Variants in MSTO1 observed in about 807,000 individuals in gnomAD.
MSTO1 encodes misato mitochondrial distribution and morphology regulator 1, also known as protein misato homolog 1.
A neutral mutation model predicts 55.7 loss-of-function variants in MSTO1; 24 were observed. That is an observed-to-expected ratio of 0.43 (90% CI 0.31 to 0.61). The LOEUF (loss-of-function observed/expected upper bound fraction) is 0.61. MSTO1 is among the 20% of genes least tolerant of loss of function. MSTO1 has a pLI of 0.09. For missense variants in MSTO1, 363 were observed against 625.7 expected (o/e 0.58, Z 4.48); for synonymous variants, 162 against 252.8 (o/e 0.64, Z 3.41).
the MSTO1 span, among the ~76,000 whole-genome samples, chr1:155,597,032 G>C: frequency 3.3e-5 from 5 of 151,560 alleles, no homozygotes; most frequent in African/African-American, 7.3e-5. Flanking sequence ...TTATGAGCCT[G>C]GGAAGCCAAG....
At chr1:155,603,138 G>A in the MSTO1 span, among the ~76,000 whole-genome samples, 2 of 152,094 alleles carry the variant, frequency 1.3e-5, no homozygotes, top group Admixed American at 1.3e-4. Flanking sequence ...GCTGAGTTGG[G>A]CAGATCACTT....
chr1:155,571,909 G>T, the MSTO1 span, among the ~76,000 whole-genome samples: 7 of 152,072 alleles, frequency 4.6e-5, no homozygotes, highest in African/African-American at 1.7e-4. Context: ...GGATGTGGTG[G>T]CAGACACCTA....
upstream of MSTO1, among the ~76,000 whole-genome samples, chr1:155,608,666 C>T (rs145477614): frequency 8.6e-5 from 13 of 151,990 alleles, no homozygotes; most frequent in East Asian, 2.5e-3. Flanking sequence ...CCACGCCCGG[C>T]TAATTGTTAG....
chr1:155,571,628 TCTTTTA>T, the MSTO1 span, among the ~76,000 whole-genome samples: 1 of 152,196 alleles, frequency 6.6e-6, no homozygotes, highest in Non-Finnish European at 1.5e-5. Context: ...ATTTCAGAAC[TCTTTTA>T]CTTTTATAGC....
At chr1:155,598,822 G>C in the MSTO1 span, 3 of 1,314,036 alleles carry the variant, frequency 2.3e-6, no homozygotes, top group Non-Finnish European at 3.3e-6. Context: ...ATATATTTTA[G>C]ATGGAGAGAA....
At chr1:155,606,423 C>G (rs1483491378), upstream of MSTO1, among the ~76,000 whole-genome samples, 1 of 150,628 alleles carries the variant, frequency 6.6e-6, no homozygotes, top group African/African-American at 2.4e-5. Flanking sequence ...CAGACGGAGT[C>G]TCACTCTGTC....
the MSTO1 span, among the ~76,000 whole-genome samples, chr1:155,597,770 A>G: frequency 6.6e-6 from 1 of 150,974 alleles, no homozygotes; most frequent in African/African-American, 2.4e-5. Context: ...TTGGTCTCCC[A>G]AAGTGCTGGG....
the MSTO1 span, among the ~76,000 whole-genome samples, chr1:155,601,568 G>A: frequency 6.6e-6 from 1 of 152,208 alleles, no homozygotes; most frequent in Admixed American, 6.6e-5. Context: ...CAAGGTTACA[G>A]TTAGCTGTGA....
At chr1:155,571,068 T>A in the MSTO1 span, among the ~76,000 whole-genome samples, 1 of 152,204 alleles carries the variant, frequency 6.6e-6, no homozygotes, top group African/African-American at 2.4e-5. Context: ...CTCACATGTA[T>A]AATCCCAGCA....
the MSTO1 span, among the ~76,000 whole-genome samples, chr1:155,591,567 G>A: frequency 1.3e-5 from 2 of 152,140 alleles, no homozygotes; most frequent in Non-Finnish European, 2.9e-5. Flanking sequence ...CGAGGCAGGC[G>A]ATCACCTGAG....
chr1:155,588,010 A>C, the MSTO1 span, among the ~76,000 whole-genome samples: 1 of 151,968 alleles, frequency 6.6e-6, no homozygotes, highest in Non-Finnish European at 1.5e-5. Flanking sequence ...GTTCGAGACC[A>C]GCCTGGCCAA....
the MSTO1 span, among the ~76,000 whole-genome samples, chr1:155,579,800 G>A: frequency 6.6e-6 from 1 of 152,150 alleles, no homozygotes; most frequent in Admixed American, 6.6e-5. Context: ...ATAATCTTAA[G>A]CATCTGTGGT....
the MSTO1 span, among the ~76,000 whole-genome samples, chr1:155,570,978 T>C: frequency 9.2e-5 from 14 of 152,300 alleles, no homozygotes; most frequent in African/African-American, 3.1e-4. Flanking sequence ...ACTTGCACTG[T>C]TATCAGAATT....
chr1:155,581,469 A>C, the MSTO1 span, among the ~76,000 whole-genome samples: 4 of 151,874 alleles, frequency 2.6e-5, no homozygotes, highest in Non-Finnish European at 4.4e-5. Flanking sequence ...CGGTGGTGTG[A>C]TCTCAGCCCA....
chr1:155,568,386 T>A, the MSTO1 span, among the ~76,000 whole-genome samples: 234 of 151,446 alleles, frequency 1.5e-3, no homozygotes, highest in African/African-American at 5.5e-3. Flanking sequence ...CCAAAAAAAA[T>A]TTTTATTTAA....
the MSTO1 span, among the ~76,000 whole-genome samples, chr1:155,588,016 G>C: frequency 1.3e-5 from 2 of 151,740 alleles, no homozygotes; most frequent in Admixed American, 6.6e-5. Context: ...GACCAGCCTG[G>C]CCAAAATGGT....
the MSTO1 span, among the ~76,000 whole-genome samples, chr1:155,575,378 A>G: frequency 2.6e-5 from 4 of 152,046 alleles, no homozygotes; most frequent in Non-Finnish European, 5.9e-5. Flanking sequence ...AGCATTTTTC[A>G]TGTGCTTATT....
At chr1:155,582,883 T>C in the MSTO1 span, among the ~76,000 whole-genome samples, 4 of 152,062 alleles carry the variant, frequency 2.6e-5, no homozygotes, top group Non-Finnish European at 5.9e-5. Context: ...TTGTTTTGTT[T>C]TTTGTTTTTG....
chr1:155,575,685 CCTT>C, the MSTO1 span, among the ~76,000 whole-genome samples: 2 of 151,890 alleles, frequency 1.3e-5, no homozygotes, highest in Admixed American at 6.6e-5. Flanking sequence ...CATAAGCAAT[CCTT>C]CTGCCTCAGC....
Sources: allele counts gnomAD v4.1 joint callset (sites outside exome capture counted in the v4.1 genomes callset), GRCh38; gene constraint gnomAD v4.1.1; transcripts MANE v1.5; gene names NCBI Gene and HGNC (gene_info 2026-07-23, HGNC 2026-07-21).